MLLT3: variants seen among roughly 807,000 people sequenced by gnomAD.
MLLT3 encodes MLLT3 super elongation complex subunit.
Under a neutral mutation model 53.2 loss-of-function variants are expected in MLLT3, and 4 were observed. The observed-to-expected ratio is 0.08, with a 90% confidence interval of 0.04 to 0.17. The LOEUF is 0.17. MLLT3 is among the 10% of genes least tolerant of loss of function. The probability of loss-of-function intolerance (pLI) is 1.00; values close to 1 mark genes in which losing one functional copy is unlikely to be tolerated. For missense variants in MLLT3, 569 were observed against 684.0 expected (o/e 0.83, Z 1.87); for synonymous variants, 283 against 230.6 (o/e 1.23, Z -2.06).
intron 2 of MLLT3, among the ~76,000 whole-genome samples, chr9:20,490,522 A>G (rs1824921700): frequency 6.6e-6 from 1 of 152,218 alleles, no homozygotes; most frequent in African/African-American, 2.4e-5. Flanking sequence ...CCACAGCCAC[A>G]AGGAACCAGA....
At chr9:20,551,885 C>G (rs976609900) in intron 2 of MLLT3, among the ~76,000 whole-genome samples, 11 of 152,120 alleles carry the variant, frequency 7.2e-5, no homozygotes, top group African/African-American at 2.4e-4. Flanking sequence ...TGTAACCTCA[C>G]GAAATTCATG....
At chr9:20,359,037 C>T (rs1429781184) in intron 8 of MLLT3, among the ~76,000 whole-genome samples, 7 of 149,604 alleles carry the variant, frequency 4.7e-5, no homozygotes, top group African/African-American at 1.7e-4. Flanking sequence ...CCCAGCTACT[C>T]GCGGGGCTGA....
intron 4 of MLLT3, among the ~76,000 whole-genome samples, chr9:20,443,491 C>G (rs1446019373): frequency 6.6e-6 from 1 of 152,098 alleles, no homozygotes; most frequent in Non-Finnish European, 1.5e-5. Flanking sequence ...TTTACACAAG[C>G]AAAATACAAA....
chr9:20,606,407 G>GCCGTACCCCCTTCACCCAC (rs1820571038), intron 2 of MLLT3, among the ~76,000 whole-genome samples: 1 of 152,060 alleles, frequency 6.6e-6, no homozygotes, highest in Non-Finnish European at 1.5e-5. Context: ...AGAGGTTCCT[G>GCCGTACCCCCTTCACCCAC]CCGTACCCCC....
At chr9:20,551,596 TC>T (rs548192713) in intron 2 of MLLT3, among the ~76,000 whole-genome samples, 150 of 152,108 alleles carry the variant, frequency 9.9e-4, no homozygotes, top group African/African-American at 3.2e-3. Context: ...AAGGCAACCT[TC>T]AAAGCTGAAA....
intron 4 of MLLT3, among the ~76,000 whole-genome samples, chr9:20,442,233 T>C (rs1586952048): frequency 6.6e-6 from 1 of 152,264 alleles, no homozygotes; most frequent in East Asian, 1.9e-4. Flanking sequence ...TAAATCATCC[T>C]GTGGAGAAAA....
rs535464162 is a variant in MLLT3 at position 20,377,785 on chromosome 9, T to C, written c.1126-12041A>G. 7.2e-5 allele frequency among the ~76,000 whole-genome samples: 11 copies of C among 152,224 alleles called. No individual in the cohort carries two copies. The East Asian group carries it at 1.7e-3, about 24-fold the overall frequency. On this transcript the variant is annotated intron_variant, in intron 5 of 10. Transcript: ENST00000380338. Reference sequence around the variant, plus strand: ...GTTTATTTTATTTGCTAAGAACTTATGTCCATGGTAGTTTGACTTTTAATA... The same window carrying C: ...GTTTATTTTATTTGCTAAGAACTTACGTCCATGGTAGTTTGACTTTTAATA...
chr9:20,394,147 C>T (rs1407134713), intron 5 of MLLT3, among the ~76,000 whole-genome samples: 4 of 152,100 alleles, frequency 2.6e-5, no homozygotes, highest in African/African-American at 9.7e-5. Flanking sequence ...GCTGGATTCT[C>T]ATATAGGCTT....
At chr9:20,489,753 G>GGA (rs1824900896) in intron 2 of MLLT3, among the ~76,000 whole-genome samples, 1 of 152,270 alleles carries the variant, frequency 6.6e-6, no homozygotes, top group South Asian at 2.1e-4. Context: ...GTCTGTCGTA[G>GGA]CAGCTTCCTA....
At chr9:20,389,697 T>C (rs1822136613) in intron 5 of MLLT3, among the ~76,000 whole-genome samples, 1 of 152,056 alleles carries the variant, frequency 6.6e-6, no homozygotes, top group South Asian at 2.1e-4. Flanking sequence ...GGAGGATCAC[T>C]TGAACCCAAG....
intron 2 of MLLT3, among the ~76,000 whole-genome samples, chr9:20,545,482 T>C (rs1243330832): frequency 6.6e-6 from 1 of 152,172 alleles, no homozygotes; most frequent in Non-Finnish European, 1.5e-5. Flanking sequence ...TCTGGGGAAC[T>C]GTTTCATAGC....
chr9:20,459,164 A>G (rs1338695831), intron 2 of MLLT3, among the ~76,000 whole-genome samples: 1 of 152,222 alleles, frequency 6.6e-6, no homozygotes, highest in Non-Finnish European at 1.5e-5. Flanking sequence ...GAAATTGGTT[A>G]GACATTCCAC....
At chr9:20,467,013 G>C (rs1366863727) in intron 2 of MLLT3, among the ~76,000 whole-genome samples, 1 of 152,178 alleles carries the variant, frequency 6.6e-6, no homozygotes, top group Non-Finnish European at 1.5e-5. Context: ...ACAAGCTAGA[G>C]TATATATGAA....
At chr9:20,567,431 C>G (rs564130591) in intron 2 of MLLT3, among the ~76,000 whole-genome samples, 1 of 151,760 alleles carries the variant, frequency 6.6e-6, no homozygotes, top group East Asian at 1.9e-4. Context: ...AAGCCACCAA[C>G]TGATAGCCAC....
intron 4 of MLLT3, among the ~76,000 whole-genome samples, chr9:20,419,893 A>T (rs1258558192): frequency 6.6e-6 from 1 of 152,192 alleles, no homozygotes; most frequent in Non-Finnish European, 1.5e-5. Context: ...TACAGATTTA[A>T]ATCTAAATGA....
At chr9:20,411,398 T>C (rs527748016) in intron 5 of MLLT3, among the ~76,000 whole-genome samples, 2 of 152,332 alleles carry the variant, frequency 1.3e-5, no homozygotes, top group African/African-American at 4.8e-5. Context: ...TCACTTTTGT[T>C]AATTCTCTTC....
chr9:20,463,536 A>G (rs188225659), intron 2 of MLLT3, among the ~76,000 whole-genome samples: 1 of 152,326 alleles, frequency 6.6e-6, no homozygotes, highest in Non-Finnish European at 1.5e-5. Context: ...AATACTAAAT[A>G]TAATTTCTCA....
At chr9:20,473,442 A>C (rs1824444482) in intron 2 of MLLT3, among the ~76,000 whole-genome samples, 1 of 152,146 alleles carries the variant, frequency 6.6e-6, no homozygotes, top group South Asian at 2.1e-4. Context: ...ACAACAAAAT[A>C]AAATGTTCAA....
intron 2 of MLLT3, among the ~76,000 whole-genome samples, chr9:20,488,205 AG>A (rs916016601): frequency 1.3e-5 from 2 of 152,008 alleles, no homozygotes; most frequent in African/African-American, 4.8e-5. Flanking sequence ...GGTCAGAAGG[AG>A]GGGGGAATAG....
Sources: allele counts gnomAD v4.1 joint callset (sites outside exome capture counted in the v4.1 genomes callset), GRCh38; gene constraint gnomAD v4.1.1; transcripts MANE v1.5; gene names NCBI Gene and HGNC (gene_info 2026-07-23, HGNC 2026-07-21).